FHIT: variants seen among roughly 807,000 people sequenced by gnomAD.
The protein encoded by FHIT is bis(5'-adenosyl)-triphosphatase.
FHIT carries 19 observed loss-of-function variants against 17.9 expected under a neutral mutation model. That is an observed-to-expected ratio of 1.06 (90% CI 0.74 to 1.56). The LOEUF (loss-of-function observed/expected upper bound fraction) is 1.56, where lower values mean the gene tolerates loss of function less well. FHIT is among the 40% of genes most tolerant of loss of function. FHIT has a pLI of 0.00. For synonymous variants in FHIT, 81 were observed against 69.7 expected, an observed-to-expected ratio of 1.16 and a Z score of -0.81; for missense variants, 248 against 189.2, an observed-to-expected ratio of 1.31 and a Z score of -1.82.
intron 4 of FHIT, among the ~76,000 whole-genome samples, chr3:60,597,357 G>A (rs2038303489): frequency 6.6e-6 from 1 of 152,178 alleles, no homozygotes; most frequent in African/African-American, 2.4e-5. Flanking sequence ...ACTTAGGAGA[G>A]CAGCATTGTT....
intron 5 of FHIT, among the ~76,000 whole-genome samples, chr3:60,021,346 C>T (rs548218660): frequency 4.8e-4 from 73 of 152,220 alleles, no homozygotes; most frequent in African/African-American, 1.7e-3. Context: ...TCACTTTCAT[C>T]GAGAGAAGCA....
intron 3 of FHIT, among the ~76,000 whole-genome samples, chr3:60,964,153 T>C (rs953607428): frequency 6.6e-6 from 1 of 152,230 alleles, no homozygotes; most frequent in Non-Finnish European, 1.5e-5. Context: ...AGTTAGCTCT[T>C]CTTGTTGAAT....
At chr3:61,079,959 A>G (rs1174019510) in intron 2 of FHIT, among the ~76,000 whole-genome samples, 2 of 152,200 alleles carry the variant, frequency 1.3e-5, no homozygotes, top group Non-Finnish European at 2.9e-5. Context: ...TGTCCTATAT[A>G]TCAATAAATG....
chr3:60,484,668 C>T (rs942796577), intron 5 of FHIT, among the ~76,000 whole-genome samples: 2 of 152,114 alleles, frequency 1.3e-5, no homozygotes, highest in Non-Finnish European at 2.9e-5. Context: ...CAAAAATTAA[C>T]TCAAGATGGA....
chr3:60,132,968 T>C (rs1009082610), intron 5 of FHIT, among the ~76,000 whole-genome samples: 4 of 151,906 alleles, frequency 2.6e-5, no homozygotes, highest in African/African-American at 7.3e-5. Context: ...TGAAATAGCA[T>C]CTAAAAGCGT....
intron 5 of FHIT, among the ~76,000 whole-genome samples, chr3:60,091,331 T>C (rs374768924): frequency 6.6e-6 from 1 of 152,306 alleles, no homozygotes; most frequent in African/African-American, 2.4e-5. Flanking sequence ...CTTTGGTTTA[T>C]TGACAAGAAA....
chr3:60,815,363 A>C (rs1701701865), intron 4 of FHIT, among the ~76,000 whole-genome samples: 2 of 152,038 alleles, frequency 1.3e-5, no homozygotes. Context: ...GGATTCTCAT[A>C]CTTTGAGTTC....
intron 5 of FHIT, among the ~76,000 whole-genome samples, chr3:60,092,575 C>T (rs1703777755): frequency 1.3e-5 from 2 of 152,114 alleles, no homozygotes; most frequent in African/African-American, 4.8e-5. Context: ...TTATTTCACA[C>T]ATATATCTCA....
intron 8 of FHIT, among the ~76,000 whole-genome samples, chr3:59,817,870 T>C (rs975948275): frequency 1.3e-5 from 2 of 152,064 alleles, no homozygotes; most frequent in Non-Finnish European, 2.9e-5. Flanking sequence ...CCACTAGCTG[T>C]TTTCCTTAAG....
chr3:60,871,874 G>T (rs879974348), intron 3 of FHIT, among the ~76,000 whole-genome samples: 1 of 151,800 alleles, frequency 6.6e-6, no homozygotes, highest in Admixed American at 6.6e-5. Flanking sequence ...TGTTGCCCAG[G>T]TTGGTCTTGA....
chr3:60,138,654 G>T (rs1296767181), intron 5 of FHIT, among the ~76,000 whole-genome samples: 1 of 152,030 alleles, frequency 6.6e-6, no homozygotes, highest in Non-Finnish European at 1.5e-5. Flanking sequence ...TCTCAGTAGA[G>T]GTAAGTTTGT....
chr3:60,633,709 C>T (rs72872732), intron 4 of FHIT, among the ~76,000 whole-genome samples: 2,028 of 152,298 alleles, frequency 0.013, 56 homozygotes, highest in African/African-American at 0.047. Flanking sequence ...AGCTGACCCT[C>T]AACAAACCTT....
At chr3:60,302,624 C>T (rs1239458936) in intron 5 of FHIT, among the ~76,000 whole-genome samples, 1 of 152,234 alleles carries the variant, frequency 6.6e-6, no homozygotes, top group African/African-American at 2.4e-5. Flanking sequence ...CTTTGCAGAA[C>T]TTTGAAATGT....
At chr3:61,141,865 C>T (rs959370352) in intron 2 of FHIT, among the ~76,000 whole-genome samples, 1 of 151,562 alleles carries the variant, frequency 6.6e-6, no homozygotes, top group Non-Finnish European at 1.5e-5. Context: ...TTACTCAGGG[C>T]TTCTTTCTTT....
At chr3:59,968,027 C>T (rs1251149107) in intron 7 of FHIT, among the ~76,000 whole-genome samples, 4 of 152,054 alleles carry the variant, frequency 2.6e-5, no homozygotes, top group African/African-American at 9.7e-5. Flanking sequence ...AGGGCTCAAG[C>T]AAGAGTAATA....
At chr3:60,929,606 T>C (rs1444776473) in intron 3 of FHIT, among the ~76,000 whole-genome samples, 3 of 152,140 alleles carry the variant, frequency 2.0e-5, no homozygotes, top group Non-Finnish European at 4.4e-5. Context: ...TGAACTCCCA[T>C]TCACAATTGC....
intron 3 of FHIT, among the ~76,000 whole-genome samples, chr3:61,027,268 G>T (rs1006471883): frequency 7.2e-5 from 11 of 152,060 alleles, no homozygotes; most frequent in Non-Finnish European, 1.5e-4. Context: ...TGTAGTTTTA[G>T]TAGAGACAGG....
intron 5 of FHIT, among the ~76,000 whole-genome samples, chr3:60,282,613 A>C (rs910695864): frequency 1.3e-5 from 2 of 152,164 alleles, no homozygotes; most frequent in African/African-American, 4.8e-5. Context: ...TAACTTCAGT[A>C]ATAAATGTGC....
chr3:60,480,018 A>G (rs936677866), intron 5 of FHIT, among the ~76,000 whole-genome samples: 2 of 152,190 alleles, frequency 1.3e-5, no homozygotes, highest in Non-Finnish European at 2.9e-5. Context: ...TAAAGATATT[A>G]CCAGAGACTG....
Sources: allele counts gnomAD v4.1 joint callset (sites outside exome capture counted in the v4.1 genomes callset), GRCh38; gene constraint gnomAD v4.1.1; transcripts MANE v1.5; gene names NCBI Gene and HGNC (gene_info 2026-07-23, HGNC 2026-07-21).